WDR64: variants seen among roughly 807,000 people sequenced by gnomAD.
WDR64 encodes the protein WD repeat domain 64.
Under a neutral mutation model 139.3 loss-of-function variants are expected in WDR64, and 112 were observed. The observed-to-expected ratio is 0.80, with a 90% CI of 0.69 to 0.94. The LOEUF (loss-of-function observed/expected upper bound fraction) is 0.94. Ranked by LOEUF, WDR64 falls within the 40% of genes least tolerant of loss-of-function variation. The pLI, the probability that WDR64 is intolerant of heterozygous loss-of-function variation, is 0.00. For synonymous variants in WDR64, 444 were observed against 437.7 expected, an observed-to-expected ratio of 1.01 and a Z score of -0.18; for missense variants, 1,206 against 1,293.1, an observed-to-expected ratio of 0.93 and a Z score of 1.03.
chr1:241,757,251 C>G, intron 14 of WDR64, 32 bp from the exon 15 acceptor site: 1 of 1,580,206 alleles, frequency 6.3e-7, no homozygotes, highest in African/African-American at 1.4e-5. Flanking sequence ...AATAATTGAA[C>G]TTTTCATGCA....
Position 241,744,458 on chromosome 1 carries a change from A to G in WDR64, c.1536A>G (p.Glu512=). 6.2e-7 allele frequency: 1 copy of G among 1,614,180 alleles called. No homozygotes were observed. Residue 512 remains glutamate (E), a synonymous_variant, in exon 13 of 28, where the codon GAA becomes GAG. Coordinates refer to ENST00000437684, the MANE Select transcript of WDR64 (RefSeq NM_001367482.1). ...QILEPHGFNT[E]VTSAAVDESG... is the part of the protein sequence containing the mutation. ...TAGAACCTCATGGTTTCAATACTGA[A>G]GTGACTTCTGCAGCTGTCGATGAAA...
At chr1:241,795,722 T>C (rs576149915) in intron 26 of WDR64, among the ~76,000 whole-genome samples, 47 of 152,266 alleles carry the variant, frequency 3.1e-4, no homozygotes, top group Non-Finnish European at 5.0e-4. Flanking sequence ...CCAGAATTCA[T>C]TCATTTCTTG....
rs7552846 is a variant in WDR64 at position 241,743,126 on chromosome 1, C to T, written c.1471-1267C>T. Among the ~76,000 whole-genome samples, 1,032 of 152,198 alleles carry T rather than the reference C, an allele frequency of 6.8e-3. 10 individuals are homozygous for T. Among genetic ancestry groups the T allele is most frequent in the African/African-American group, 0.024 (979 of 41,522 alleles). ...GCCTAAAGAGAGAGGTAGAGGAAAACGAAAGCTGAAACCTGTCCTGCTTTT... is the reference window on the plus strand; with the variant it reads ...GCCTAAAGAGAGAGGTAGAGGAAAATGAAAGCTGAAACCTGTCCTGCTTTT... On this transcript the variant is annotated intron_variant, in intron 12 of 27. Transcript: ENST00000437684.
intron 26 of WDR64, 114 bp downstream of exon 26, chr1:241,795,401 C>A: frequency 1.1e-6 from 1 of 896,570 alleles, no homozygotes; most frequent in Non-Finnish European, 1.7e-6. Context: ...GTCAGTTGGA[C>A]CGTTGCTTCC....
At position 241,734,863 on chromosome 1, in the gene WDR64, T is replaced by C. The variant is rs112556841; in HGVS notation, c.1195-3500T>C. ...CATATAGCCTAGGTGTATGGTAAGC[T>C]ATACCAGCTAGGTTTGTGTAAGTAT... On this transcript the variant is annotated intron_variant, in intron 10 of 27. Coordinates refer to ENST00000437684, the MANE Select transcript of WDR64 (RefSeq NM_001367482.1). 4.4e-3 allele frequency among the ~76,000 whole-genome samples: 667 copies of C among 152,334 alleles called. 5 individuals are homozygous for C. The highest frequency in any genetic ancestry group is 0.015 in the African/African-American group (639 of 41,578).
chr1:241,763,461 G>A (rs1247558010), intron 15 of WDR64, among the ~76,000 whole-genome samples: 2 of 152,186 alleles, frequency 1.3e-5, no homozygotes, highest in Non-Finnish European at 2.9e-5. Context: ...TGTAATCCCG[G>A]CACTTTGGGA....
At chr1:241,727,534 G>T (rs1006155236) in intron 10 of WDR64, among the ~76,000 whole-genome samples, 2 of 152,142 alleles carry the variant, frequency 1.3e-5, no homozygotes, top group Non-Finnish European at 2.9e-5. Flanking sequence ...ATGAAAGGAG[G>T]TCATTCATTT....
intron 21 of WDR64, 41 bp from the exon 22 acceptor site, chr1:241,779,963 T>G: frequency 3.4e-6 from 5 of 1,476,550 alleles, no homozygotes; most frequent in Non-Finnish European, 4.6e-6. Context: ...TTAGATAACA[T>G]GATATCTAAT....
At position 241,652,472 on chromosome 1, in the gene WDR64, C is replaced by G. The variant is rs1463456710; in HGVS notation, c.-13C>G. On this transcript the variant is annotated 5_prime_UTR_variant, in exon 1 of 28. The change creates a new upstream start codon in the 5' untranslated region. Transcript: ENST00000437684. Reference sequence around the variant, plus strand: ...TTCTTTCTGTACAGAAGTAAAAGATCCCCTATGTCCCTATGGATATCAGGA... The same window carrying G: ...TTCTTTCTGTACAGAAGTAAAAGATGCCCTATGTCCCTATGGATATCAGGA... 1 of 1,547,922 alleles carries G rather than the reference C, an allele frequency of 6.5e-7. No individual in the cohort carries two copies. The highest frequency in any genetic ancestry group is 1.2e-5 in the South Asian group (1 of 83,058).
At chr1:241,701,292 ACACT>A (rs1036986462) in intron 8 of WDR64, among the ~76,000 whole-genome samples, 15 of 143,714 alleles carry the variant, frequency 1.0e-4, no homozygotes, top group East Asian at 1.9e-4. Flanking sequence ...ACACACACAC[ACACT>A]CACACACACA....
At chr1:241,752,205 A>G (rs763157808) in intron 14 of WDR64, among the ~76,000 whole-genome samples, 16 of 152,180 alleles carry the variant, frequency 1.1e-4, no homozygotes, top group Non-Finnish European at 2.1e-4. Flanking sequence ...TTCCTAATCA[A>G]TTCCTAAAGA....
chr1:241,687,857 C>T (rs1318898618), intron 8 of WDR64, among the ~76,000 whole-genome samples: 1 of 152,148 alleles, frequency 6.6e-6, no homozygotes, highest in Non-Finnish European at 1.5e-5. Flanking sequence ...AATACGAGTG[C>T]ATCTATAACA....
chr1:241,796,192 C>T (rs992561751), intron 26 of WDR64, 65 bp from the exon 27 acceptor site: 2 of 1,206,710 alleles, frequency 1.7e-6, no homozygotes, highest in Non-Finnish European at 2.4e-6. Flanking sequence ...CATCCCAACT[C>T]CTGAATTCAT....
intron 8 of WDR64, among the ~76,000 whole-genome samples, chr1:241,709,648 C>T (rs929956489): frequency 1.3e-5 from 2 of 152,002 alleles, no homozygotes; most frequent in Admixed American, 6.6e-5. Context: ...GCTTTGTGAG[C>T]CCCAGTTTTT....
chr1:241,758,418 C>T (rs1469347943), intron 15 of WDR64, among the ~76,000 whole-genome samples: 3 of 151,496 alleles, frequency 2.0e-5, no homozygotes, highest in Non-Finnish European at 4.4e-5. Flanking sequence ...ATTACTGGAA[C>T]GTGTGTAAAG....
rs978498153 is a variant in WDR64 at position 241,775,208 on chromosome 1, T to C, written c.2534T>C (p.Val845Ala). 10 of 1,549,132 alleles carry C rather than the reference T, an allele frequency of 6.5e-6. No homozygotes were observed. Among genetic ancestry groups the C allele is most frequent in the Non-Finnish European group, 8.7e-6 (10 of 1,146,260 alleles). The change falls in exon 21 of 28, where the codon GTG becomes GCG. Residue 845 changes from valine (V) to alanine (A), a missense_variant and splice_region_variant. Transcript: ENST00000437684. ...ACGAGGATACTACTGGCTGGAAATG[T>C]GGGTGAGTCATTACTCTTAGACATT... ...SCTRILLAGNVEGHVILCNIS... is the reference protein window; with the variant it reads ...SCTRILLAGNAEGHVILCNIS...
At position 241,787,927 on chromosome 1, in the gene WDR64, T is replaced by C; in HGVS notation, c.2784T>C (p.Asp928=). Residue 928 remains aspartate, a synonymous_variant, in exon 24 of 28, where the codon GAT becomes GAC. Coordinates refer to ENST00000437684, the MANE Select transcript of WDR64 (RefSeq NM_001367482.1). ...TCTTTGAATTATCACAGACAAGAGA[T>C]TTCATTTTGCCTTGTGATGTTACTG... The part of the protein sequence containing the change: ...RRLFELSQTR[D]FILPCDVTEY... 6.2e-7 allele frequency: 1 copy of C among 1,613,000 alleles called. No homozygotes were observed. The highest frequency in any genetic ancestry group is 8.5e-7 in the Non-Finnish European group (1 of 1,179,592).
chr1:241,788,832 C>G (rs1659130542), intron 24 of WDR64, among the ~76,000 whole-genome samples: 1 of 152,144 alleles, frequency 6.6e-6, no homozygotes, highest in Non-Finnish European at 1.5e-5. Context: ...GGAGAAGAGG[C>G]TGGCTGAGAT....
chr1:241,677,180 T>C (rs1276070236), intron 4 of WDR64: 2 of 395,358 alleles, frequency 5.1e-6, no homozygotes, highest in Non-Finnish European at 8.9e-6. Flanking sequence ...AAATTCAAAA[T>C]ATATCTGTAA....
Sources: allele counts gnomAD v4.1 joint callset (sites outside exome capture counted in the v4.1 genomes callset), GRCh38; gene constraint gnomAD v4.1.1; transcripts MANE v1.5; gene names NCBI Gene and HGNC (gene_info 2026-07-23, HGNC 2026-07-21).